The following TTC38 variants were observed in gnomAD, a reference collection of about 807,000 sequenced individuals.
TTC38 encodes the protein tetratricopeptide repeat domain 38, also known as tetratricopeptide repeat protein 38.
A neutral mutation model predicts 64.2 loss-of-function variants in TTC38; 64 were observed. The observed-to-expected ratio is 1.00, with a 90% confidence interval of 0.81 to 1.23. TTC38 has a LOEUF of 1.23. Among genes scored for constraint, TTC38 ranks in the 50% most tolerant of loss-of-function variants. The pLI is 0.00. For synonymous variants in TTC38, 254 were observed against 249.3 expected, an observed-to-expected ratio of 1.02 and a Z score of -0.18; for missense variants, 573 against 615.5, an observed-to-expected ratio of 0.93 and a Z score of 0.73.
intron 13 of TTC38, 48 bp downstream of exon 13, chr22:46,289,947 C>G: frequency 6.5e-7 from 1 of 1,545,628 alleles, no homozygotes; most frequent in Admixed American, 1.7e-5. Flanking sequence ...ACAGGCTCTC[C>G]CTGCAGACCT....
At chr22:46,268,202 G>A (rs1936805366) in intron 1 of TTC38, 130 bp downstream of exon 1, 4 of 1,058,650 alleles carry the variant, frequency 3.8e-6, no homozygotes, top group Non-Finnish European at 5.3e-6. Flanking sequence ...GCACGGGCGC[G>A]TCCGCGGCAA....
chr22:46,288,573 T>TG lies in TTC38; in HGVS notation c.1068dup (p.Arg357AlafsTer31). 6.2e-7 allele frequency: 1 copy of TG among 1,612,982 alleles called. No homozygotes were observed. Among genetic ancestry groups the TG allele is most frequent in the Non-Finnish European group, 8.5e-7 (1 of 1,179,480 alleles). ...ACCACACAGGAGCTGCTGACCACCC[T>TG]GCGGGACGCCAGCGAGTATGCAGAG... On this transcript the variant is annotated frameshift_variant, in exon 11 of 14. Coordinates refer to ENST00000381031, the MANE Select transcript of TTC38 (RefSeq NM_017931.4). LOFTEE classifies it high-confidence loss of function.
At position 46,273,978 on chromosome 22, in the gene TTC38, G is replaced by A; in HGVS notation, c.274G>A (p.Ala92Thr). The A allele has an allele frequency of 2.5e-6, 4 of 1,614,256 alleles. No individual in the cohort carries two copies. Among genetic ancestry groups the A allele is most frequent in the Non-Finnish European group, 2.5e-6 (3 of 1,180,042 alleles). ...GAAGCTGGACAAAGAGCTGGACCTG[G>A]CTGTGAAGACAATGGTGGAGATTTC... ...SVKLDKELDL[A>T]VKTMVEISRT... is the part of the protein sequence containing the mutation. Residue 92 changes from alanine to threonine, a missense_variant, in exon 4 of 14, where the codon GCT becomes ACT. Physicochemically the swap from Ala to Thr is moderately conservative, Grantham distance 58. Coordinates refer to ENST00000381031, the MANE Select transcript of TTC38 (RefSeq NM_017931.4). This position sits in a 1 kb window ranked among gnomAD's most constrained non-coding sequence, Gnocchi z 5.1.
At chr22:46,283,401 T>A (rs1352688733) in intron 7 of TTC38, among the ~76,000 whole-genome samples, 1 of 152,214 alleles carries the variant, frequency 6.6e-6, no homozygotes, top group African/African-American at 2.4e-5. Context: ...CTGGGGCTGC[T>A]GCTCCCCAGC....
At chr22:46,286,517 T>C (rs1267766710) in intron 9 of TTC38, among the ~76,000 whole-genome samples, 1 of 151,924 alleles carries the variant, frequency 6.6e-6, no homozygotes, top group Non-Finnish European at 1.5e-5. Flanking sequence ...AAAAACTAGC[T>C]GCATGTGGTG....
In TTC38 at chr22:46,283,962, T is replaced by A; in HGVS notation, c.736-11T>A. ...ACTTTTCATAAATTCTCTTTTTTTT[T>A]TTTTCTCCAGGACTCTGATATGTTG... On this transcript the variant is annotated splice_polypyrimidine_tract_variant and intron_variant, in intron 7 of 13. Transcript: ENST00000381031. 1.9e-6 allele frequency: 3 copies of A among 1,585,000 alleles called. No individual in the cohort carries two copies. Among genetic ancestry groups the A allele is most frequent in the Non-Finnish European group, 2.6e-6 (3 of 1,172,746 alleles).
intron 6 of TTC38, chr22:46,280,174 C>A: frequency 2.1e-6 from 1 of 471,256 alleles, no homozygotes; most frequent in South Asian, 1.5e-5. Context: ...TCTGTGTCTG[C>A]AGCCCCAGGC....
chr22:46,289,598 T>C, intron 12 of TTC38, 37 bp downstream of exon 12: 1 of 1,553,002 alleles, frequency 6.4e-7, no homozygotes, highest in Non-Finnish European at 8.7e-7. Context: ...GCCTAGGGCC[T>C]GGGCCAGGGA....
At position 46,272,345 on chromosome 22, in the gene TTC38, G is replaced by A; in HGVS notation, c.122G>A (p.Trp41Ter). ...CTTTTCCCATTTCAGTATGTAAAATGGACCAATGACAAGAGTCTCGGTGGC... is the reference window on the plus strand; with the variant it reads ...CTTTTCCCATTTCAGTATGTAAAATAGACCAATGACAAGAGTCTCGGTGGC... ...FDATLTQYVK[W>*]TNDKSLGGIE... Residue 41 changes from tryptophan (W) to a stop codon, truncating the protein, a stop_gained, in exon 3 of 14, where the codon TGG (tryptophan) becomes TAG (stop). Transcript: ENST00000381031. LOFTEE classifies it high-confidence loss of function. The surrounding 1 kb of genome is among the most constrained non-coding windows in gnomAD (Gnocchi z 6.4). The A allele has an allele frequency of 1.9e-6, 3 of 1,613,680 alleles. No individual in the cohort carries two copies. The highest frequency in any genetic ancestry group is 2.5e-6 in the Non-Finnish European group (3 of 1,179,806).
chr22:46,279,063 G>A (rs1387803943), intron 6 of TTC38, among the ~76,000 whole-genome samples: 3 of 152,332 alleles, frequency 2.0e-5, no homozygotes, highest in Middle Eastern at 3.4e-3. Flanking sequence ...GTAAATAAGC[G>A]TTGGCTCTTC....
chr22:46,292,088 C>A lies in TTC38; in HGVS notation c.1317-703C>A. 2.9e-6 allele frequency: 1 copy of A among 344,420 alleles called. No homozygotes were observed. Among genetic ancestry groups the A allele is most frequent in the South Asian group, 2.4e-5 (1 of 41,460 alleles). 21.3% of individuals were successfully genotyped at this position (344,420 alleles called of 1,614,324 possible). ...TTCAGTTTCTGCTGAGGCCTCTCTT[C>A]CTGGCTTGTGGACAGCCACTTTCTT... is the stretch of plus-strand genomic sequence containing the variant. On this transcript the variant is annotated intron_variant, in intron 13 of 13. Transcript: ENST00000381031. This position sits in a 1 kb window ranked among gnomAD's most constrained non-coding sequence, Gnocchi z 6.5.
intron 10 of TTC38, among the ~76,000 whole-genome samples, chr22:46,288,159 C>T (rs1409152488): frequency 1.3e-5 from 2 of 152,176 alleles, no homozygotes; most frequent in Admixed American, 6.5e-5. Context: ...TTTGTCAAAG[C>T]GGCCAGAGGC....
chr22:46,280,166 T>C (rs1408776958), intron 6 of TTC38: 2 of 471,212 alleles, frequency 4.2e-6, no homozygotes, highest in South Asian at 3.1e-5. Context: ...ACATGGGCTC[T>C]GTGTCTGCAG....
chr22:46,288,589 G>A lies in TTC38; in HGVS notation c.1082+1G>A, dbSNP rs757849934. 6 of 1,613,170 alleles carry A rather than the reference G, an allele frequency of 3.7e-6. No homozygotes were observed. Among genetic ancestry groups the A allele is most frequent in the Middle Eastern group, 1.7e-4 (1 of 6,056 alleles). ...TGACCACCCTGCGGGACGCCAGCGA[G>A]TATGCAGAGGGGCCTTCTCGGGGTG... On this transcript the variant is annotated splice_donor_variant, in intron 11 of 13. Transcript: ENST00000381031. LOFTEE classifies it high-confidence loss of function.
intron 6 of TTC38, chr22:46,279,945 C>A: frequency 2.7e-6 from 1 of 366,404 alleles, no homozygotes. Context: ...TGTGGCAAGT[C>A]CCCCGCACTG....
rs554112066 is a variant in TTC38, at chr22:46,272,663, G to T, written c.193+247G>T. 1.6e-4 allele frequency among the ~76,000 whole-genome samples: 25 copies of T among 152,288 alleles called. No individual in the cohort carries two copies. The South Asian group carries it at 5.2e-3, about 32-fold the overall frequency. On this transcript the variant is annotated intron_variant, in intron 3 of 13. Coordinates refer to ENST00000381031, the MANE Select transcript of TTC38 (RefSeq NM_017931.4). This position sits in a 1 kb window ranked among gnomAD's most constrained non-coding sequence, Gnocchi z 6.4. ...CTTTTCTTTAATTACCATCAATTCG[G>T]GAATGAAGATGCTGATCTCATTTCT...
chr22:46,268,633 C>A, intron 2 of TTC38, 42 bp downstream of exon 2: 1 of 1,580,052 alleles, frequency 6.3e-7, no homozygotes, highest in Non-Finnish European at 8.7e-7. Context: ...CTGTGGAGGT[C>A]TAGGGGAAGG....
In TTC38 at chr22:46,268,522, G is replaced by C. The variant is rs778852238; in HGVS notation, c.42G>C (p.Lys14Asn). 1.9e-6 allele frequency: 3 copies of C among 1,613,978 alleles called. No individual in the cohort carries two copies. Among genetic ancestry groups the C allele is most frequent in the Non-Finnish European group, 2.5e-6 (3 of 1,180,046 alleles). The change falls in exon 2 of 14, where the codon AAG (lysine) becomes AAC (asparagine). Residue 14 changes from lysine (K) to asparagine (N), a missense_variant. Around this residue, in one of 3 missense-constraint regions of TTC38, gnomAD observed 134 missense variants for 126.5 expected, o/e 1.06. Coordinates refer to ENST00000381031, the MANE Select transcript of TTC38 (RefSeq NM_017931.4). ...ASPLRDCQAW[K>N]DARLPLSTTS... ...CTTCTTGCCGTCTGTAGGCCTGGAA[G>C]GATGCGAGGCTCCCGCTCTCCACCA...
In TTC38 at chr22:46,289,484, G is replaced by A. The variant is rs747218420; in HGVS notation, c.1165G>A (p.Gly389Arg). Residue 389 changes from glycine to arginine, a missense_variant, in exon 12 of 14, where the codon GGG becomes AGG. Gly to Arg is a moderately radical substitution (Grantham distance 125). Coordinates refer to ENST00000381031, the MANE Select transcript of TTC38 (RefSeq NM_017931.4). ...CCAGGCCCTGGTGGAGGCTGAGGACGGGAACCCTGACCGCGTCCTGGAGCT... is the reference window on the plus strand; with the variant it reads ...CCAGGCCCTGGTGGAGGCTGAGGACAGGAACCCTGACCGCGTCCTGGAGCT... ...LCQALVEAED[G>R]NPDRVLELLL... is the part of the protein sequence containing the mutation. 6 of 1,608,924 alleles carry A rather than the reference G, an allele frequency of 3.7e-6. No homozygotes were observed. In the African/African-American group the frequency reaches 6.7e-5, roughly 18 times the overall value.
Sources: gnomAD v4.1 joint callset for allele counts (sites outside exome capture counted in the v4.1 genomes callset) on GRCh38, gnomAD v4.1.1 for gene constraint, gnomAD v4.1.1 regional missense constraint, Gnocchi (gnomAD v3.1) non-coding constraint, MANE v1.5 for transcripts, NCBI Gene and HGNC (gene_info 2026-07-23, HGNC 2026-07-21) for gene names.